The following PPP1R13B variants were observed in gnomAD, a reference collection of about 807,000 sequenced individuals.
PPP1R13B encodes the protein apoptosis-stimulating of p53 protein 1.
In PPP1R13B, 44 loss-of-function variants were observed where a neutral mutation model predicts 119.8. That is an observed-to-expected ratio of 0.37 (90% confidence interval 0.29 to 0.47). The LOEUF is 0.47. Ranked by LOEUF, PPP1R13B falls within the 20% of genes least tolerant of loss-of-function variation. The probability of loss-of-function intolerance (pLI) is 0.99; values close to 1 mark genes in which losing one functional copy is unlikely to be tolerated. For missense variants in PPP1R13B, 1,227 were observed against 1,413.5 expected, an observed-to-expected ratio of 0.87 and a Z score of 2.12; for synonymous variants, 542 against 561.5, an observed-to-expected ratio of 0.97 and a Z score of 0.49.
intron 1 of PPP1R13B, among the ~76,000 whole-genome samples, chr14:103,806,521 C>G (rs959845332): frequency 6.6e-6 from 1 of 152,046 alleles, no homozygotes; most frequent in African/African-American, 2.4e-5. Flanking sequence ...CAGGAAGACC[C>G]CTTTAGCTTT....
At chr14:103,841,196 A>G (rs1028340006) in intron 1 of PPP1R13B, among the ~76,000 whole-genome samples, 4 of 151,800 alleles carry the variant, frequency 2.6e-5, no homozygotes, top group African/African-American at 9.7e-5. Context: ...GAGGCAGGAG[A>G]ATCACTTTAA....
chr14:103,781,886 T>C (rs2085345052), intron 3 of PPP1R13B, among the ~76,000 whole-genome samples: 1 of 152,058 alleles, frequency 6.6e-6, no homozygotes, highest in South Asian at 2.1e-4. Flanking sequence ...TCTCCTGACC[T>C]CGTGATCCAA....
chr14:103,791,451 G>A (rs1291812891), intron 2 of PPP1R13B, among the ~76,000 whole-genome samples: 1 of 152,186 alleles, frequency 6.6e-6, no homozygotes, highest in African/African-American at 2.4e-5. Flanking sequence ...TTTCAGCCGG[G>A]AGCAGTGGCT....
Position 103,741,989 on chromosome 14 carries a change from C to A in PPP1R13B, c.1623G>T (p.Gly541=), listed in dbSNP as rs1313072117. ...PPAGPPAFPA[G]DSKPELPLTV... Reference sequence around the variant, plus strand: ...TCAGTGGGAGTTCAGGCTTGCTGTCCCCAGCTGGAAATGCAGGTGGTCCCG... The same window carrying A: ...TCAGTGGGAGTTCAGGCTTGCTGTCACCAGCTGGAAATGCAGGTGGTCCCG... Residue 541 remains glycine, a synonymous_variant, in exon 11 of 17, where the codon GGG becomes GGT. Coordinates refer to ENST00000202556, the MANE Select transcript of PPP1R13B (RefSeq NM_015316.3). 1.9e-6 allele frequency: 3 copies of A among 1,614,122 alleles called. No homozygotes were observed. The South Asian group carries it at 3.3e-5, about 18-fold the overall frequency.
chr14:103,773,768 T>C (rs1245629285), intron 4 of PPP1R13B, among the ~76,000 whole-genome samples: 1 of 152,004 alleles, frequency 6.6e-6, no homozygotes, highest in Non-Finnish European at 1.5e-5. Context: ...GCAGACTGAG[T>C]GAACAATATT....
chr14:103,780,317 C>A (rs2085306834), intron 3 of PPP1R13B, among the ~76,000 whole-genome samples: 1 of 151,444 alleles, frequency 6.6e-6, no homozygotes. Flanking sequence ...GAAACCCTAT[C>A]TTTACCAAAA....
chr14:103,781,309 C>T (rs774623493), intron 3 of PPP1R13B, among the ~76,000 whole-genome samples: 25 of 152,274 alleles, frequency 1.6e-4, no homozygotes, highest in Non-Finnish European at 3.4e-4. Flanking sequence ...CAGTCTAATC[C>T]TCCTCTTCAG....
At chr14:103,745,334 C>T (rs910027446) in intron 9 of PPP1R13B, among the ~76,000 whole-genome samples, 1 of 152,136 alleles carries the variant, frequency 6.6e-6, no homozygotes, top group Non-Finnish European at 1.5e-5. Context: ...ACCACAATCC[C>T]GAAAAAGGGG....
At chr14:103,785,520 T>C (rs1338308637) in intron 2 of PPP1R13B, among the ~76,000 whole-genome samples, 1 of 139,088 alleles carries the variant, frequency 7.2e-6, no homozygotes, top group African/African-American at 2.7e-5. Flanking sequence ...ACTCAGCCTT[T>C]TTTTTTTTTT....
At chr14:103,845,690 C>A (rs1198891237) in intron 1 of PPP1R13B, among the ~76,000 whole-genome samples, 2 of 152,080 alleles carry the variant, frequency 1.3e-5, no homozygotes, top group Non-Finnish European at 2.9e-5. Flanking sequence ...ACGAAGCCAG[C>A]CAAAATTTTT....
chr14:103,828,513 G>C (rs1245667248), intron 1 of PPP1R13B, among the ~76,000 whole-genome samples: 1 of 152,100 alleles, frequency 6.6e-6, no homozygotes, highest in African/African-American at 2.4e-5. Flanking sequence ...CTTGGCCCTG[G>C]GCCAGGCTCT....
chr14:103,746,546 C>T lies in PPP1R13B; in HGVS notation c.977G>A (p.Arg326His), dbSNP rs757706442. The change falls in exon 9 of 17, where the codon CGT (arginine) becomes CAT (histidine). Residue 326 changes from arginine to histidine, a missense_variant. Transcript: ENST00000202556. Reference protein sequence around the residue: ...RLYGKKIQLNRVNGTSSPQSP... With the variant: ...RLYGKKIQLNHVNGTSSPQSP... ...CTGTGGTGATGACGTGCCATTCACA[C>T]GGTTCAGCTACAAATTGGGAAGAAA... 11 of 1,590,070 alleles carry T rather than the reference C, an allele frequency of 6.9e-6. No individual in the cohort carries two copies. Among genetic ancestry groups the T allele is most frequent in the East Asian group, 2.3e-5 (1 of 44,078 alleles).
intron 1 of PPP1R13B, among the ~76,000 whole-genome samples, chr14:103,833,763 A>G (rs768561373): frequency 2.6e-5 from 4 of 152,038 alleles, no homozygotes; most frequent in Non-Finnish European, 4.4e-5. Context: ...AAACTTCCCA[A>G]CATCCTGAGG....
chr14:103,818,739 A>T (rs912230694), intron 1 of PPP1R13B, among the ~76,000 whole-genome samples: 1 of 152,202 alleles, frequency 6.6e-6, no homozygotes, highest in African/African-American at 2.4e-5. Context: ...CATTATACAA[A>T]TATTTATTGA....
intron 4 of PPP1R13B, among the ~76,000 whole-genome samples, chr14:103,776,342 G>A (rs781053977): frequency 6.6e-6 from 1 of 152,100 alleles, no homozygotes; most frequent in Non-Finnish European, 1.5e-5. Flanking sequence ...ATATGAGGTA[G>A]GGTCACAAAT....
At chr14:103,819,413 C>T (rs58411502) in intron 1 of PPP1R13B, among the ~76,000 whole-genome samples, 8,427 of 151,162 alleles carry the variant, frequency 0.056, 257 homozygotes, top group Middle Eastern at 0.12. Flanking sequence ...GGTAGGATCC[C>T]TTGAGCCCAG....
chr14:103,738,672 G>A lies in PPP1R13B; in HGVS notation c.2864+7C>T. The A allele has an allele frequency of 6.2e-7, 1 of 1,614,130 alleles. No individual in the cohort carries two copies. Among genetic ancestry groups the A allele is most frequent in the Non-Finnish European group, 8.5e-7 (1 of 1,180,014 alleles). ...ATCTGTCCACCCCACACTCCTACGG[G>A]CCTCACCATCCATCACTATCAGCAG... On this transcript the variant is annotated splice_region_variant and intron_variant, in intron 14 of 16. Transcript: ENST00000202556. The surrounding 1 kb of genome is among the most constrained non-coding windows in gnomAD (Gnocchi z 5.6).
At chr14:103,835,493 T>G (rs1440791554) in intron 1 of PPP1R13B, among the ~76,000 whole-genome samples, 3 of 151,158 alleles carry the variant, frequency 2.0e-5, no homozygotes, top group Non-Finnish European at 4.4e-5. Flanking sequence ...TACAGTGGTG[T>G]GATCATACCT....
At chr14:103,789,939 T>C (rs1332874901) in intron 2 of PPP1R13B, among the ~76,000 whole-genome samples, 1 of 152,076 alleles carries the variant, frequency 6.6e-6, no homozygotes, top group Non-Finnish European at 1.5e-5. Context: ...ACTCTAGACT[T>C]ATACCCACAT....
Sources: gnomAD v4.1 joint callset for allele counts (sites outside exome capture counted in the v4.1 genomes callset) on GRCh38, gnomAD v4.1.1 for gene constraint, Gnocchi (gnomAD v3.1) non-coding constraint, MANE v1.5 for transcripts, NCBI Gene and HGNC (gene_info 2026-07-23, HGNC 2026-07-21) for gene names.